KIF5B: variants seen among roughly 807,000 people sequenced by gnomAD.
The protein encoded by KIF5B is kinesin-1 heavy chain.
A neutral mutation model predicts 132.8 loss-of-function variants in KIF5B; 49 were observed. The observed-to-expected ratio is 0.37, with a 90% CI of 0.29 to 0.47. The LOEUF is 0.47. Among genes scored for constraint, KIF5B ranks in the 20% least tolerant of loss-of-function variants. KIF5B has a pLI of 1.00. For missense variants in KIF5B, 780 were observed against 1,144.0 expected (o/e 0.68, Z 4.59); for synonymous variants, 355 against 369.4 (o/e 0.96, Z 0.45).
rs748566501 is a variant in KIF5B at position 32,056,010 on chromosome 10, C to T, written c.-37G>A. ...CCGGGGCCGGCGGCCGGGAGCCACT[C>T]CCCGCCGCTCAGTCTTGCAGGGAAC... On this transcript the variant is annotated 5_prime_UTR_variant, in exon 1 of 26. Coordinates refer to ENST00000302418, the MANE Select transcript of KIF5B (RefSeq NM_004521.3). 6.3e-7 allele frequency: 1 copy of T among 1,598,380 alleles called. No individual in the cohort carries two copies. Among genetic ancestry groups the T allele is most frequent in the Admixed American group, 1.7e-5 (1 of 59,942 alleles).
intron 1 of KIF5B, 25 bp from the exon 2 acceptor site, chr10:32,048,576 CT>C: frequency 6.5e-7 from 1 of 1,543,360 alleles, no homozygotes; most frequent in Non-Finnish European, 8.9e-7. Context: ...AGTGTTTCAA[CT>C]ATACAAATTA....
chr10:32,017,384 G>A (rs929649451), intron 23 of KIF5B, 25 bp from the exon 24 acceptor site: 2 of 1,562,054 alleles, frequency 1.3e-6, no homozygotes, highest in South Asian at 2.2e-5. Context: ...AGAAAACAAG[G>A]ATTCCAGATT....
intron 11 of KIF5B, among the ~76,000 whole-genome samples, 190 bp from the exon 12 acceptor site, chr10:32,034,228 A>G (rs976968525): frequency 1.3e-5 from 2 of 151,372 alleles, no homozygotes; most frequent in African/African-American, 4.9e-5. Context: ...CTACTGCCTC[A>G]AGACTCCTGA....
At chr10:32,034,889 A>C (rs1841444836) in intron 10 of KIF5B, 51 bp from the exon 11 acceptor site, 1 of 1,403,568 alleles carries the variant, frequency 7.1e-7, no homozygotes, top group Non-Finnish European at 9.6e-7. Flanking sequence ...ATTATTTTTA[A>C]TTTTATCTAT....
rs1841760631 is a variant in KIF5B at position 32,056,155 on chromosome 10, C to T, written c.-182G>A. ...CCGGGACTTGAAGAGCCGGCGCCGG[C>T]AGCCGTTAACCCTAATGCTCACTTC... On this transcript the variant is annotated 5_prime_UTR_variant, in exon 1 of 26. Transcript: ENST00000302418. 1 of 642,958 alleles carries T rather than the reference C, an allele frequency of 1.6e-6. No homozygotes were observed. Among genetic ancestry groups the T allele is most frequent in the Non-Finnish European group, 2.6e-6 (1 of 386,496 alleles). 39.8% of individuals were successfully genotyped at this position (642,958 alleles called of 1,614,324 possible). A position where few individuals can be genotyped will look rare whatever the true frequency, so the allele number is the denominator to read the frequency against.
chr10:32,021,220 A>C lies in KIF5B; in HGVS notation c.2094+6T>G. ...AAAGCTGTTAGAAATGTGACATCAA[A>C]CTTGCCTTAACTTCATTTGCAGTCT... is the stretch of plus-strand genomic sequence containing the variant. On this transcript the variant is annotated splice_donor_region_variant and intron_variant, in intron 18 of 25. Coordinates refer to ENST00000302418, the MANE Select transcript of KIF5B (RefSeq NM_004521.3). The C allele has an allele frequency of 6.2e-7, 1 of 1,611,972 alleles. No individual in the cohort carries two copies. The highest frequency in any genetic ancestry group is 8.5e-7 in the Non-Finnish European group (1 of 1,178,236).
intron 1 of KIF5B, among the ~76,000 whole-genome samples, chr10:32,055,050 A>C (rs1377726064): frequency 6.6e-6 from 1 of 152,236 alleles, no homozygotes; most frequent in Non-Finnish European, 1.5e-5. Flanking sequence ...ACAAAAACAA[A>C]AAGTTAATAC....
In KIF5B at chr10:32,026,437, CAAAAAAAA is replaced by C. The variant is rs71027049; in HGVS notation, c.1725+1983_1725+1990del. ...TGGGAGACACAGTGAGATTCCGTCT[CAAAAAAAA>C]AAAAAAAAAAAAAAAAGTAACGCTC... On this transcript the variant is annotated intron_variant, in intron 15 of 25. Coordinates refer to ENST00000302418, the MANE Select transcript of KIF5B (RefSeq NM_004521.3). Among the ~76,000 whole-genome samples, 84 of 48,926 alleles carry C rather than the reference CAAAAAAAA, an allele frequency of 1.7e-3. 1 individual carries two copies. The highest frequency in any genetic ancestry group is 2.4e-3 in the Non-Finnish European group (69 of 28,300). 32.1% of individuals were successfully genotyped at this position (48,926 alleles called of 152,430 possible).
In KIF5B at chr10:32,037,182, T is replaced by A. The variant is rs948705098; in HGVS notation, c.711+72A>T. 26 of 1,437,914 alleles carry A rather than the reference T, an allele frequency of 1.8e-5. No homozygotes were observed. The African/African-American group carries it at 3.7e-4, about 20-fold the overall frequency. 89.1% of individuals were successfully genotyped at this position (1,437,914 alleles called of 1,614,324 possible). ...GTAAGTAAGATGCAACAATGAACCC[T>A]GCGTAACTCCCAACTCAAACTAAAG... On this transcript the variant is annotated intron_variant, in intron 8 of 25. Coordinates refer to ENST00000302418, the MANE Select transcript of KIF5B (RefSeq NM_004521.3).
At position 32,035,681 on chromosome 10, in the gene KIF5B, C is replaced by A; in HGVS notation, c.817-14G>T. ...TGGAACATATGTCTGCATACAAAAA[C>A]AAAGAAAGAAAACAAGACCAGTATA... On this transcript the variant is annotated splice_polypyrimidine_tract_variant and intron_variant, in intron 9 of 25. Coordinates refer to ENST00000302418, the MANE Select transcript of KIF5B (RefSeq NM_004521.3). The A allele has an allele frequency of 1.3e-6, 2 of 1,586,198 alleles. No homozygotes were observed. The highest frequency in any genetic ancestry group is 1.7e-6 in the Non-Finnish European group (2 of 1,169,774).
chr10:32,048,407 A>T, intron 2 of KIF5B, 57 bp downstream of exon 2: 1 of 1,177,762 alleles, frequency 8.5e-7, no homozygotes, highest in South Asian at 1.4e-5. Flanking sequence ...TAAGTAGAAA[A>T]GATCACAAAC....
chr10:32,014,940 T>C (rs1362322067), intron 25 of KIF5B, among the ~76,000 whole-genome samples: 3 of 152,004 alleles, frequency 2.0e-5, no homozygotes, highest in African/African-American at 7.2e-5. Context: ...CTGACCAACA[T>C]GGTGAAACCC....
At chr10:32,015,418 C>T in intron 25 of KIF5B, 91 bp downstream of exon 25, 2 of 934,022 alleles carry the variant, frequency 2.1e-6, no homozygotes, top group African/African-American at 1.7e-5. Context: ...AAAATCATAA[C>T]ACTAATGTGA....
intron 1 of KIF5B, among the ~76,000 whole-genome samples, chr10:32,052,194 A>C (rs1025221930): frequency 6.6e-6 from 1 of 152,192 alleles, no homozygotes; most frequent in African/African-American, 2.4e-5. Context: ...TGGAATTCTG[A>C]ATAGCGGATC....
chr10:32,018,658 A>AC, intron 20 of KIF5B, 96 bp from the exon 21 acceptor site: 2 of 892,744 alleles, frequency 2.2e-6, no homozygotes, highest in Non-Finnish European at 3.4e-6. Context: ...CTGAAAGGAT[A>AC]AATTCTTAAA....
intron 16 of KIF5B, among the ~76,000 whole-genome samples, chr10:32,022,597 C>T (rs912058206): frequency 5.3e-5 from 8 of 152,108 alleles, no homozygotes; most frequent in Non-Finnish European, 1.0e-4. Flanking sequence ...GCAGTTTTGC[C>T]CACCCTGGAA....
At chr10:32,034,173 C>T (rs368559866) in intron 11 of KIF5B, 135 bp from the exon 12 acceptor site, 26 of 561,028 alleles carry the variant, frequency 4.6e-5, no homozygotes, top group Admixed American at 2.6e-4. Context: ...TGCAGTGGTG[C>T]AATCTAGGCT....
intron 2 of KIF5B, among the ~76,000 whole-genome samples, chr10:32,042,184 TATTC>T (rs1841550618): frequency 6.6e-6 from 1 of 152,094 alleles, no homozygotes; most frequent in African/African-American, 2.4e-5. Flanking sequence ...TCCTTGTTTT[TATTC>T]ATTATTTTAA....
At chr10:32,015,020 G>A (rs1222916187) in intron 25 of KIF5B, among the ~76,000 whole-genome samples, 2 of 152,096 alleles carry the variant, frequency 1.3e-5, no homozygotes, top group Non-Finnish European at 2.9e-5. Context: ...AGTTTGGGAG[G>A]CTGAGGCAGG....
Sources: gnomAD v4.1 joint callset for allele counts (sites outside exome capture counted in the v4.1 genomes callset) on GRCh38, gnomAD v4.1.1 for gene constraint, MANE v1.5 for transcripts, NCBI Gene and HGNC (gene_info 2026-07-23, HGNC 2026-07-21) for gene names.